The following NAV1 variants were observed in gnomAD, a reference collection of about 807,000 sequenced individuals.
The protein encoded by NAV1 is neuron navigator 1.
A neutral mutation model predicts 175.2 loss-of-function variants in NAV1; 18 were observed. That is an observed-to-expected ratio of 0.10 (90% CI 0.07 to 0.15). NAV1 has a LOEUF of 0.15. Among genes scored for constraint, NAV1 ranks in the 10% least tolerant of loss-of-function variants. The probability of loss-of-function intolerance (pLI) is 1.00; values close to 1 mark genes in which losing one functional copy is unlikely to be tolerated. For missense variants in NAV1, 1,731 were observed against 2,436.6 expected, an observed-to-expected ratio of 0.71 and a Z score of 6.10; for synonymous variants, 897 against 978.7, an observed-to-expected ratio of 0.92 and a Z score of 1.56.
chr1:201,592,588 C>T lies in NAV1; in HGVS notation c.-33+3939C>T, dbSNP rs150907576. Among the ~76,000 whole-genome samples the T allele has an allele frequency of 7.2e-5, 11 of 152,140 alleles. No individual in the cohort carries two copies. In the East Asian group the frequency reaches 1.4e-3, roughly 19 times the overall value. On this transcript the variant is annotated intron_variant, in intron 2 of 33. Coordinates refer to the NAV1 transcript ENST00000685211. ...GTGGAGAGAGTGTCAGTCAGTAAAT[C>T]GGGGTCATTAATTGAAGAATGGGGG...
chr1:201,609,460 C>CG (rs983039487), intron 2 of NAV1, among the ~76,000 whole-genome samples: 12 of 152,230 alleles, frequency 7.9e-5, no homozygotes, highest in African/African-American at 2.9e-4. Flanking sequence ...TCTCCTGTCC[C>CG]GGCACCAAGG....
chr1:201,775,997 CA>C (rs1362394382), intron 3 of NAV1, among the ~76,000 whole-genome samples: 3 of 152,042 alleles, frequency 2.0e-5, no homozygotes, highest in Non-Finnish European at 2.9e-5. Context: ...TTTGAGGCTG[CA>C]GTGAACTATG....
chr1:201,803,947 G>C (rs959977226), intron 16 of NAV1: 1 of 563,820 alleles, frequency 1.8e-6, no homozygotes, highest in African/African-American at 1.9e-5. Flanking sequence ...CTTTCTTTGG[G>C]CTCTCCATAC....
chr1:201,542,758 A>G (rs907831273), intron 1 of NAV1, among the ~76,000 whole-genome samples: 4 of 152,210 alleles, frequency 2.6e-5, no homozygotes, highest in African/African-American at 9.6e-5. Flanking sequence ...TATGAGATGC[A>G]CTAATATGCA....
At chr1:201,772,675 T>C (rs1675664233) in intron 3 of NAV1, among the ~76,000 whole-genome samples, 1 of 152,238 alleles carries the variant, frequency 6.6e-6, no homozygotes, top group Non-Finnish European at 1.5e-5. Flanking sequence ...CCTTGGGTTA[T>C]ACGCTCATTC....
At chr1:201,600,486 A>C (rs1667483453) in intron 2 of NAV1, among the ~76,000 whole-genome samples, 2 of 152,202 alleles carry the variant, frequency 1.3e-5, no homozygotes, top group Admixed American at 1.3e-4. Context: ...TACAGTCTAT[A>C]CTTTAGTTAA....
In NAV1 at chr1:201,813,306, C is replaced by T; in HGVS notation, c.5340+48C>T. ...AAACCCTAAGATCAGGCTGTCCTAC[C>T]TAACAAAGTAGGAATGTTTCTTTAA... On this transcript the variant is annotated intron_variant, in intron 28 of 29. Coordinates refer to ENST00000367296, the Ensembl canonical transcript of NAV1. This position sits in a 1 kb window ranked among gnomAD's most constrained non-coding sequence, Gnocchi z 4.2. The T allele has an allele frequency of 6.7e-6, 8 of 1,198,572 alleles. No homozygotes were observed. Among genetic ancestry groups the T allele is most frequent in the Non-Finnish European group, 8.6e-6 (7 of 816,580 alleles). 74.2% of individuals were successfully genotyped at this position (1,198,572 alleles called of 1,614,324 possible).
At chr1:201,801,253 T>A (rs1362633587) in intron 15 of NAV1, among the ~76,000 whole-genome samples, 1 of 152,222 alleles carries the variant, frequency 6.6e-6, no homozygotes, top group Non-Finnish European at 1.5e-5. Flanking sequence ...TAGCATCAGA[T>A]CCTACGATCT....
intron 3 of NAV1, among the ~76,000 whole-genome samples, chr1:201,731,515 A>T (rs1301146664): frequency 2.0e-5 from 3 of 152,090 alleles, no homozygotes; most frequent in African/African-American, 7.2e-5. Flanking sequence ...GCCAGCTCCT[A>T]CTAAAAGGGG....
At chr1:201,665,670 A>G (rs1219940668) in intron 1 of NAV1, among the ~76,000 whole-genome samples, 2 of 146,408 alleles carry the variant, frequency 1.4e-5, no homozygotes, top group Non-Finnish European at 3.0e-5. Flanking sequence ...AAGAGAGGGT[A>G]AGACCAGGGT....
chr1:201,558,902 C>T (rs1330471674), intron 1 of NAV1, among the ~76,000 whole-genome samples: 2 of 152,130 alleles, frequency 1.3e-5, no homozygotes, highest in Non-Finnish European at 2.9e-5. Context: ...AGAATAGTCT[C>T]ATCCTGTGCT....
intron 1 of NAV1, among the ~76,000 whole-genome samples, chr1:201,699,070 G>C (rs1444353038): frequency 1.3e-5 from 2 of 152,242 alleles, no homozygotes; most frequent in African/African-American, 4.8e-5. Context: ...ATTCAACATA[G>C]TGTTGGAAGT....
chr1:201,744,357 C>T (rs1673638032), intron 3 of NAV1, among the ~76,000 whole-genome samples: 1 of 151,700 alleles, frequency 6.6e-6, no homozygotes, highest in African/African-American at 2.4e-5. Flanking sequence ...TTCATTCATT[C>T]ATTCAACAAA....
intron 3 of NAV1, among the ~76,000 whole-genome samples, chr1:201,748,417 A>T (rs976125371): frequency 6.6e-6 from 1 of 152,140 alleles, no homozygotes; most frequent in East Asian, 1.9e-4. Flanking sequence ...TTAGAAAGGG[A>T]GATGGAATCT....
exon 30 of NAV1, chr1:201,822,643 TCCA>T (rs1439686191): frequency 2.0e-5 from 3 of 152,662 alleles, no homozygotes; most frequent in Non-Finnish European, 4.4e-5. Flanking sequence ...CTTCCTGGGA[TCCA>T]CCACCCTCTA....
At position 201,718,995 on chromosome 1, in the gene NAV1, G is replaced by T. The variant is rs1361881616; in HGVS notation, c.1226+240G>T. ...AAGGAGCTGATTGGTCAATGAAGGCGCCTCCCTCTCATTGGTCTCTGTGGC... is the reference window on the plus strand; with the variant it reads ...AAGGAGCTGATTGGTCAATGAAGGCTCCTCCCTCTCATTGGTCTCTGTGGC... On this transcript the variant is annotated intron_variant, in intron 3 of 29. Coordinates refer to ENST00000367296, the Ensembl canonical transcript of NAV1. The surrounding 1 kb of genome is among the most constrained non-coding windows in gnomAD (Gnocchi z 4.8). 1.3e-5 allele frequency among the ~76,000 whole-genome samples: 2 copies of T among 151,904 alleles called. No homozygotes were observed. The highest frequency in any genetic ancestry group is 4.8e-5 in the African/African-American group (2 of 41,356).
Position 201,807,659 on chromosome 1 carries a change from G to C in NAV1, c.3649-294G>C, listed in dbSNP as rs1244908015. 2.0e-5 allele frequency among the ~76,000 whole-genome samples: 3 copies of C among 152,086 alleles called. No homozygotes were observed. The highest frequency in any genetic ancestry group is 4.4e-5 in the Non-Finnish European group (3 of 68,010). ...GCTAGAAGATTCTGTTCTTTCTCTTGGTCCTAATTTCCTTTCTTTCTTTCT... is the reference window on the plus strand; with the variant it reads ...GCTAGAAGATTCTGTTCTTTCTCTTCGTCCTAATTTCCTTTCTTTCTTTCT... On this transcript the variant is annotated intron_variant, in intron 17 of 29. Transcript: ENST00000367296. The surrounding 1 kb of genome is among the most constrained non-coding windows in gnomAD (Gnocchi z 5.4).
intron 2 of NAV1, 142 bp downstream of exon 6, chr1:201,713,061 G>C (rs973975952): frequency 6.5e-6 from 4 of 619,704 alleles, no homozygotes; most frequent in Non-Finnish European, 1.2e-5. Context: ...GCAGAAGGAG[G>C]AGGAAATCCA....
chr1:201,658,740 G>GCCT (rs1236675999), intron 1 of NAV1, among the ~76,000 whole-genome samples: 6 of 152,150 alleles, frequency 3.9e-5, no homozygotes, highest in Non-Finnish European at 8.8e-5. Context: ...TGGAGATGTT[G>GCCT]CTGATCGATG....
Sources: gnomAD v4.1 joint callset for allele counts (sites outside exome capture counted in the v4.1 genomes callset) on GRCh38, gnomAD v4.1.1 for gene constraint, Gnocchi (gnomAD v3.1) non-coding constraint, MANE v1.5 for transcripts, NCBI Gene and HGNC (gene_info 2026-07-23, HGNC 2026-07-21) for gene names.